GULP1: variants seen among roughly 807,000 people sequenced by gnomAD.
GULP1 encodes GULP PTB domain containing engulfment adaptor 1, also known as PTB domain-containing engulfment adapter protein 1.
GULP1 carries 19 observed loss-of-function variants against 40.9 expected under a neutral mutation model. That is an observed-to-expected ratio of 0.46 (90% CI 0.32 to 0.68). GULP1 has a LOEUF of 0.68. Among genes scored for constraint, GULP1 ranks in the 30% least tolerant of loss-of-function variants. GULP1 has a pLI of 0.03. For synonymous variants in GULP1, 119 were observed against 117.6 expected (o/e 1.01, Z -0.08); for missense variants, 312 against 362.2 (o/e 0.86, Z 1.12).
chr2:188,374,147 A>G (rs964691834), intron 1 of GULP1, among the ~76,000 whole-genome samples: 9 of 152,052 alleles, frequency 5.9e-5, no homozygotes, highest in African/African-American at 1.9e-4. Context: ...TTTTGCTTCT[A>G]ACAATAACAA....
At chr2:188,442,834 T>C (rs887433287) in intron 2 of GULP1, among the ~76,000 whole-genome samples, 2 of 152,188 alleles carry the variant, frequency 1.3e-5, no homozygotes, top group African/African-American at 4.8e-5. Context: ...TTCATGACTT[T>C]GAATTTTATC....
chr2:188,513,747 A>C (rs1157719539), intron 4 of GULP1, among the ~76,000 whole-genome samples: 1 of 152,116 alleles, frequency 6.6e-6, no homozygotes, highest in Non-Finnish European at 1.5e-5. Context: ...TACTCATGTA[A>C]ACTCTATGGC....
At chr2:188,510,310 C>A (rs539599925) in intron 4 of GULP1, among the ~76,000 whole-genome samples, 2 of 152,074 alleles carry the variant, frequency 1.3e-5, no homozygotes, top group East Asian at 3.9e-4. Flanking sequence ...AATATAGATG[C>A]TTATTATTAC....
intron 2 of GULP1, among the ~76,000 whole-genome samples, chr2:188,387,025 C>G (rs1170916838): frequency 2.0e-5 from 3 of 151,974 alleles, no homozygotes; most frequent in Non-Finnish European, 2.9e-5. Flanking sequence ...TAACTGAGGT[C>G]AGGAGGTCAA....
intron 3 of GULP1, among the ~76,000 whole-genome samples, chr2:188,482,609 C>T (rs1435581829): frequency 6.6e-6 from 1 of 151,460 alleles, no homozygotes; most frequent in Non-Finnish European, 1.5e-5. Flanking sequence ...TTTTTTTCTC[C>T]CCATTATGCA....
At chr2:188,405,893 GT>G (rs1295711520) in intron 2 of GULP1, among the ~76,000 whole-genome samples, 7 of 152,274 alleles carry the variant, frequency 4.6e-5, no homozygotes, top group Middle Eastern at 3.4e-3. Context: ...ATGCCACAAG[GT>G]TAAGAACAGT....
intron 5 of GULP1, among the ~76,000 whole-genome samples, chr2:188,526,259 C>T (rs1178526915): frequency 6.6e-6 from 1 of 152,070 alleles, no homozygotes; most frequent in Non-Finnish European, 1.5e-5. Context: ...TTTGTTGCAT[C>T]CAGTCATTCT....
intron 1 of GULP1, among the ~76,000 whole-genome samples, chr2:188,367,636 A>T (rs10190630): frequency 0.024 from 3,586 of 152,160 alleles, 155 homozygotes; most frequent in African/African-American, 0.082. Flanking sequence ...GATTCTAGGA[A>T]CTCAGAAACA....
At chr2:188,588,037 C>T (rs1387135395) in intron 11 of GULP1, 88 bp downstream of exon 11, 2 of 784,202 alleles carry the variant, frequency 2.6e-6, no homozygotes, top group South Asian at 2.8e-5. Context: ...ACTATGGTTT[C>T]CTTCAATTAT....
chr2:188,302,496 A>C (rs999172370), intron 1 of GULP1, among the ~76,000 whole-genome samples: 1 of 152,188 alleles, frequency 6.6e-6, no homozygotes, highest in Non-Finnish European at 1.5e-5. Flanking sequence ...TTACAGTGTG[A>C]TGTTAAGACT....
intron 4 of GULP1, among the ~76,000 whole-genome samples, chr2:188,507,179 C>T (rs2064000739): frequency 6.6e-6 from 1 of 151,858 alleles, no homozygotes; most frequent in Admixed American, 6.6e-5. Context: ...TTAAAAAGGC[C>T]TTTCCCCAAA....
chr2:188,561,519 G>T (rs1696262515), intron 7 of GULP1, among the ~76,000 whole-genome samples: 1 of 152,152 alleles, frequency 6.6e-6, no homozygotes, highest in South Asian at 2.1e-4. Flanking sequence ...TCTGGGAGGT[G>T]CACTCAAGTG....
At chr2:188,342,403 A>G (rs774614422) in intron 1 of GULP1, among the ~76,000 whole-genome samples, 1 of 152,036 alleles carries the variant, frequency 6.6e-6, no homozygotes, top group Non-Finnish European at 1.5e-5. Context: ...CTCTCCTTTT[A>G]TAAGGACACT....
chr2:188,364,999 G>T (rs7596417), intron 1 of GULP1, among the ~76,000 whole-genome samples: 2,855 of 151,894 alleles, frequency 0.019, 88 homozygotes, highest in African/African-American at 0.065. Flanking sequence ...TGGAGTGGTT[G>T]GATAATACTT....
chr2:188,386,718 G>T (rs4625863), intron 2 of GULP1, among the ~76,000 whole-genome samples: 139,529 of 152,228 alleles, frequency 0.92, 64,072 homozygotes, highest in East Asian at 1. Flanking sequence ...TGAGTTTACC[G>T]GTAGAAGGTA....
At chr2:188,393,213 C>A (rs1264645905) in intron 2 of GULP1, among the ~76,000 whole-genome samples, 1 of 151,742 alleles carries the variant, frequency 6.6e-6, no homozygotes, top group Non-Finnish European at 1.5e-5. Flanking sequence ...TGCTACCCAT[C>A]TCATTTCTTA....
chr2:188,483,713 T>C (rs912987286), intron 4 of GULP1, among the ~76,000 whole-genome samples: 1 of 152,142 alleles, frequency 6.6e-6, no homozygotes, highest in Non-Finnish European at 1.5e-5. Flanking sequence ...TAGTCAAACG[T>C]GTTTTCTTCA....
chr2:188,530,085 C>T (rs891000513), intron 6 of GULP1, among the ~76,000 whole-genome samples: 2 of 152,154 alleles, frequency 1.3e-5, no homozygotes, highest in African/African-American at 4.8e-5. Flanking sequence ...GATGAGCTGG[C>T]TGCCTGTAAT....
intron 9 of GULP1, among the ~76,000 whole-genome samples, chr2:188,578,034 A>G (rs1576248533): frequency 6.6e-6 from 1 of 151,894 alleles, no homozygotes; most frequent in East Asian, 1.9e-4. Context: ...TTATAAATAG[A>G]ATTTTGAACC....
Sources: gnomAD v4.1 joint callset for allele counts (sites outside exome capture counted in the v4.1 genomes callset) on GRCh38, gnomAD v4.1.1 for gene constraint, MANE v1.5 for transcripts, NCBI Gene and HGNC (gene_info 2026-07-23, HGNC 2026-07-21) for gene names.